The following DLC1 variants were observed in gnomAD, a reference collection of about 807,000 sequenced individuals.
The protein encoded by DLC1 is rho GTPase-activating protein 7.
A neutral mutation model predicts 140.3 loss-of-function variants in DLC1; 54 were observed. That is an observed-to-expected ratio of 0.38 (90% CI 0.31 to 0.48). The LOEUF is 0.48. Ranked by LOEUF, DLC1 falls within the 20% of genes least tolerant of loss-of-function variation. DLC1 has a pLI of 0.96. For missense variants in DLC1, 2,536 were observed against 1,907.0 expected, an observed-to-expected ratio of 1.33 and a Z score of -6.14; for synonymous variants, 986 against 728.1, an observed-to-expected ratio of 1.35 and a Z score of -5.70.
intron 10 of DLC1, 104 bp downstream of exon 10, chr8:13,098,295 T>C (rs913390433): frequency 6.6e-6 from 9 of 1,357,154 alleles, no homozygotes; most frequent in African/African-American, 1.5e-5. Flanking sequence ...ATGAAATATA[T>C]TAATAAAGGA....
chr8:13,197,335 T>C (rs992968760), intron 5 of DLC1, among the ~76,000 whole-genome samples: 15 of 152,286 alleles, frequency 9.8e-5, no homozygotes, highest in Admixed American at 5.9e-4. Flanking sequence ...ATTTTATTTT[T>C]TTTTAATTTT....
chr8:13,538,238 G>T (rs1267658614), intron 1 of DLC1, among the ~76,000 whole-genome samples: 2 of 152,034 alleles, frequency 1.3e-5, no homozygotes, highest in Non-Finnish European at 2.9e-5. Flanking sequence ...CTCTAGGTGA[G>T]CAAGGGGACC....
At chr8:13,329,177 G>T (rs1412195808) in intron 4 of DLC1, among the ~76,000 whole-genome samples, 1 of 152,166 alleles carries the variant, frequency 6.6e-6, no homozygotes, top group Non-Finnish European at 1.5e-5. Flanking sequence ...TAGATGGGGA[G>T]ACCAAATGAG....
At chr8:13,320,910 G>T (rs1671398) in intron 4 of DLC1, among the ~76,000 whole-genome samples, 48,826 of 151,946 alleles carry the variant, frequency 0.32, 8,078 homozygotes, top group Middle Eastern at 0.37. Context: ...GCTGTCTTTT[G>T]CTTCCTCTCA....
At chr8:13,395,571 T>A (rs4831422) in intron 3 of DLC1, among the ~76,000 whole-genome samples, 58,424 of 152,102 alleles carry the variant, frequency 0.38, 12,139 homozygotes, top group Non-Finnish European at 0.47. Context: ...ATGAAGAAAC[T>A]ACTAGACTGA....
chr8:13,373,611 T>G (rs1372930195), intron 4 of DLC1, among the ~76,000 whole-genome samples: 1 of 152,204 alleles, frequency 6.6e-6, no homozygotes, highest in African/African-American at 2.4e-5. Flanking sequence ...TATTTAAAAT[T>G]TTATTCAATT....
intron 5 of DLC1, among the ~76,000 whole-genome samples, chr8:13,252,088 T>G (rs1212948608): frequency 1.3e-5 from 2 of 152,172 alleles, no homozygotes; most frequent in African/African-American, 4.8e-5. Flanking sequence ...TGACTGGATA[T>G]GGATGTGTGC....
chr8:13,461,858 T>A (rs1799676089), intron 2 of DLC1, among the ~76,000 whole-genome samples: 2 of 152,170 alleles, frequency 1.3e-5, no homozygotes, highest in Non-Finnish European at 2.9e-5. Flanking sequence ...ATTAAGTTAA[T>A]ACACACAGTA....
chr8:13,534,592 C>G (rs1481601), intron 1 of DLC1, among the ~76,000 whole-genome samples: 3 of 152,084 alleles, frequency 2.0e-5, no homozygotes, highest in African/African-American at 7.2e-5. Flanking sequence ...GCTCTGCAGA[C>G]CCTAAGTGGA....
chr8:13,568,449 G>C (rs1804533629), intron 1 of DLC1, among the ~76,000 whole-genome samples: 1 of 152,128 alleles, frequency 6.6e-6, no homozygotes, highest in South Asian at 2.1e-4. Context: ...AGAAACATTT[G>C]ATTATTTGTT....
At chr8:13,579,417 T>TTATATTATATATTTAATATATTATATTA (rs1804990363) in intron 1 of DLC1, among the ~76,000 whole-genome samples, 1 of 60,366 alleles carries the variant, frequency 1.7e-5, no homozygotes, top group African/African-American at 5.9e-5. Context: ...ATATTATATT[T>TTATATTATATATTTAATATATTATATTA]TATATTATAT....
intron 5 of DLC1, among the ~76,000 whole-genome samples, chr8:13,188,801 G>GTATATA (rs1237501850): frequency 1.9e-4 from 14 of 71,902 alleles, no homozygotes; most frequent in African/African-American, 5.3e-4. Context: ...GTGTGTGTGT[G>GTATATA]TATATATATA....
intron 4 of DLC1, among the ~76,000 whole-genome samples, chr8:13,307,065 C>G (rs1218950198): frequency 9.5e-6 from 1 of 105,228 alleles, no homozygotes; most frequent in African/African-American, 3.8e-5. Flanking sequence ...TCCAGGGTGA[C>G]AGAGAGAGAC....
In DLC1 at chr8:13,448,512, G is replaced by A. The variant is rs1223322553; in HGVS notation, c.1024-46893C>T. ...CAAGTAGCTGGGACTACAGGTGTGC[G>A]CCACCACACCCGGCTAATTTTTGTA... On this transcript the variant is annotated intron_variant, in intron 2 of 17. Transcript: ENST00000276297. Among the ~76,000 whole-genome samples the A allele has an allele frequency of 6.6e-5, 10 of 151,940 alleles. 1 individual carries two copies. The highest frequency in any genetic ancestry group is 4.6e-4 in the Admixed American group (7 of 15,240).
chr8:13,268,313 T>C (rs1188278), intron 5 of DLC1, among the ~76,000 whole-genome samples: 66,613 of 152,002 alleles, frequency 0.44, 14,996 homozygotes, highest in East Asian at 0.79. Flanking sequence ...ATGCACTAAC[T>C]TGCCTGACTC....
intron 2 of DLC1, among the ~76,000 whole-genome samples, chr8:13,431,407 C>T (rs373813819): frequency 3.6e-5 from 5 of 137,286 alleles, no homozygotes; most frequent in East Asian, 2.3e-4. Flanking sequence ...GGTGTGAACC[C>T]GGGAGGCGGA....
intron 5 of DLC1, among the ~76,000 whole-genome samples, chr8:13,210,390 C>G (rs1827879461): frequency 6.6e-6 from 1 of 152,098 alleles, no homozygotes; most frequent in Non-Finnish European, 1.5e-5. Context: ...TGTCAACAAA[C>G]TTTTACTGGA....
At chr8:13,276,433 GCCGCGACCATGCCTCGGTACT>G in intron 5 of DLC1, 2 of 1,428,816 alleles carry the variant, frequency 1.4e-6, no homozygotes, top group Non-Finnish European at 1.8e-6. Context: ...CAGCCCGGGC[GCCGCGACCATGCCTCGGTACT>G]CCGCCCCGCG....
rs75231381 is a variant in DLC1, at chr8:13,306,124, G to A, written c.1315-822C>T. Among the ~76,000 whole-genome samples, 186 of 152,194 alleles carry A rather than the reference G, an allele frequency of 1.2e-3. 5 individuals carry two copies. The East Asian group carries it at 0.032, about 26-fold the overall frequency. On this transcript the variant is annotated intron_variant, in intron 4 of 17. Transcript: ENST00000276297. ...CTAAAGGAAGCAGCCTCTATAAAGC[G>A]TACCAGATCTTCAGGGAAAAGCCAC...
Sources: allele counts gnomAD v4.1 joint callset (sites outside exome capture counted in the v4.1 genomes callset), GRCh38; gene constraint gnomAD v4.1.1; transcripts MANE v1.5; gene names NCBI Gene and HGNC (gene_info 2026-07-23, HGNC 2026-07-21).